Variants in NR5A2 observed in about 807,000 individuals in gnomAD.
NR5A2 encodes nuclear receptor subfamily 5 group A member 2, also known as CYP7A promoter-binding factor.
A neutral mutation model predicts 62.7 loss-of-function variants in NR5A2; 26 were observed. The observed-to-expected ratio is 0.41, with a 90% CI of 0.30 to 0.58. NR5A2 has a LOEUF of 0.58. NR5A2 is among the 20% of genes least tolerant of loss of function. The pLI, the probability that NR5A2 is intolerant of heterozygous loss-of-function variation, is 0.22. For missense variants in NR5A2, 541 were observed against 669.1 expected, an observed-to-expected ratio of 0.81 and a Z score of 2.11; for synonymous variants, 246 against 241.7, an observed-to-expected ratio of 1.02 and a Z score of -0.16.
rs1654330598 is a variant in NR5A2, at chr1:200,174,441, C to T, written c.*231C>T. ...AAACTGTGAATCAAAGGCTTCACAG[C>T]CCCAGAGGATTCCATATAAAAGACA... On this transcript the variant is annotated 3_prime_UTR_variant, in exon 8 of 8. Transcript: ENST00000367362. The T allele has an allele frequency of 2.9e-6, 1 of 348,884 alleles. No individual in the cohort carries two copies. The highest frequency in any genetic ancestry group is 5.0e-6 in the Non-Finnish European group (1 of 199,060). The allele number at this position is 348,884 out of a possible 1,614,324, so 21.6% of individuals were successfully genotyped here. A position where few individuals can be genotyped will look rare whatever the true frequency, so the allele number is the denominator to read the frequency against.
At chr1:200,094,186 T>C (rs1215858053) in intron 5 of NR5A2, among the ~76,000 whole-genome samples, 1 of 151,242 alleles carries the variant, frequency 6.6e-6, no homozygotes, top group Non-Finnish European at 1.5e-5. Flanking sequence ...AAATTGGTTT[T>C]TTTTTTTCTT....
At position 200,147,300 on chromosome 1, in the gene NR5A2, G is replaced by C. The variant is rs1166909080; in HGVS notation, c.1378+26345G>C. On this transcript the variant is annotated intron_variant, in intron 7 of 7. Transcript: ENST00000367362. This position sits in a 1 kb window ranked among gnomAD's most constrained non-coding sequence, Gnocchi z 4.9. ...TTCGCTGGCTGCATCTGCTGTGCCAGGCGCCTACTGTGCGCTCCTCTCCTC... is the reference window on the plus strand; with the variant it reads ...TTCGCTGGCTGCATCTGCTGTGCCACGCGCCTACTGTGCGCTCCTCTCCTC... Among the ~76,000 whole-genome samples the C allele has an allele frequency of 6.6e-6, 1 of 152,208 alleles. No individual in the cohort carries two copies. Among genetic ancestry groups the C allele is most frequent in the Non-Finnish European group, 1.5e-5 (1 of 68,032 alleles).
chr1:200,027,887 T>TAAGTATCTGTAAGAGTAAG lies in NR5A2; in HGVS notation c.40_41insAAGTATCTGTAAGAGTAAG (p.Leu14Ter). The TAAGTATCTGTAAGAGTAAG allele has an allele frequency of 6.2e-7, 1 of 1,605,024 alleles. No homozygotes were observed. The highest frequency in any genetic ancestry group is 8.5e-7 in the Non-Finnish European group (1 of 1,175,412). ...AGATACTGGGGATTTACAAGAGTCT[T>TAAGTATCTGTAAGAGTAAG]TAAAGCACGGACTTACACCTATTGG... On this transcript the variant is annotated stop_gained and frameshift_variant, in exon 1 of 8. Transcript: ENST00000367362. LOFTEE classifies it high-confidence loss of function.
chr1:200,092,782 CAT>C lies in NR5A2; in HGVS notation c.1111-18419_1111-18418del, dbSNP rs550719884. ...TTTTTCTTCTGTAGTTTTTATGAATCATGTGTGCTCAAAAGTATGGATCACAT... is the reference window on the plus strand; with the variant it reads ...TTTTTCTTCTGTAGTTTTTATGAATCGTGTGCTCAAAAGTATGGATCACAT... On this transcript the variant is annotated intron_variant, in intron 5 of 7. Transcript: ENST00000367362. Among the ~76,000 whole-genome samples the C allele has an allele frequency of 6.7e-5, 10 of 150,222 alleles. No individual in the cohort carries two copies. The East Asian group carries it at 1.6e-3, about 24-fold the overall frequency.
intron 5 of NR5A2, among the ~76,000 whole-genome samples, chr1:200,083,364 G>C (rs543201272): frequency 6.6e-6 from 1 of 152,276 alleles, no homozygotes; most frequent in Non-Finnish European, 1.5e-5. Flanking sequence ...TGCTGTCCAA[G>C]TAATTTTCAA....
At chr1:200,066,021 G>T (rs1394138874) in intron 5 of NR5A2, among the ~76,000 whole-genome samples, 1 of 152,146 alleles carries the variant, frequency 6.6e-6, no homozygotes, top group Non-Finnish European at 1.5e-5. Context: ...TTATTGTTTG[G>T]AATAGGAAGC....
At chr1:200,160,213 G>A (rs1653582112) in intron 7 of NR5A2, among the ~76,000 whole-genome samples, 1 of 152,212 alleles carries the variant, frequency 6.6e-6, no homozygotes, top group African/African-American at 2.4e-5. Flanking sequence ...TACACGAAGA[G>A]GATTTCTTTA....
chr1:200,111,404 G>T (rs1665951143), intron 6 of NR5A2, 83 bp downstream of exon 6: 4 of 1,451,556 alleles, frequency 2.8e-6, no homozygotes, highest in East Asian at 4.7e-5. Flanking sequence ...TAGGTCAGAA[G>T]CACTCTTGTG....
intron 5 of NR5A2, among the ~76,000 whole-genome samples, chr1:200,091,097 C>G (rs1664795604): frequency 6.6e-6 from 1 of 152,078 alleles, no homozygotes; most frequent in Non-Finnish European, 1.5e-5. Context: ...AATGGGGAGA[C>G]CATGTCCAAA....
chr1:200,050,546 G>A (rs929379197), intron 5 of NR5A2, among the ~76,000 whole-genome samples: 11 of 152,094 alleles, frequency 7.2e-5, no homozygotes, highest in East Asian at 1.9e-4. Context: ...ACCCAGTACC[G>A]GGAGTCTGGC....
At chr1:200,072,209 C>A (rs1176543753) in intron 5 of NR5A2, among the ~76,000 whole-genome samples, 7 of 152,092 alleles carry the variant, frequency 4.6e-5, no homozygotes, top group African/African-American at 1.7e-4. Flanking sequence ...AAGGGAACTT[C>A]TAGGTGAGAC....
chr1:200,168,116 C>A (rs1369492653), intron 7 of NR5A2, among the ~76,000 whole-genome samples: 1 of 151,722 alleles, frequency 6.6e-6, no homozygotes, highest in East Asian at 1.9e-4. Context: ...ATAAATAAAG[C>A]ATGTTAAGAA....
Position 200,045,440 on chromosome 1 carries a change from T to C in NR5A2, c.322-3T>C, listed in dbSNP as rs764830177. The C allele has an allele frequency of 6.3e-6, 10 of 1,597,420 alleles. No individual in the cohort carries two copies. The highest frequency in any genetic ancestry group is 2.2e-5 in the East Asian group (1 of 44,454). ...ACGTCTCACTATTTTCTCTGTCTTA[T>C]AGGGATTTTTTAAGCGAACAGTCCA... On this transcript the variant is annotated splice_region_variant and splice_polypyrimidine_tract_variant and intron_variant, in intron 3 of 7. Transcript: ENST00000367362.
Position 200,045,585 on chromosome 1 carries a change from G to T in NR5A2, c.463+1G>T. 2 of 1,607,460 alleles carry T rather than the reference G, an allele frequency of 1.2e-6. No homozygotes were observed. Among genetic ancestry groups the T allele is most frequent in the Non-Finnish European group, 8.5e-7 (1 of 1,177,546 alleles). On this transcript the variant is annotated splice_donor_variant, in intron 4 of 7. Coordinates refer to ENST00000367362, the MANE Select transcript of NR5A2 (RefSeq NM_205860.3). LOFTEE classifies it high-confidence loss of function. ...CTAAGTGTTGGAATGAAGCTAGAAG[G>T]TAAGATTCTTCTAAAGACTACTGCC...
intron 5 of NR5A2, among the ~76,000 whole-genome samples, chr1:200,053,743 C>T (rs1244221938): frequency 6.6e-6 from 1 of 152,204 alleles, no homozygotes; most frequent in Non-Finnish European, 1.5e-5. Flanking sequence ...CAGATTTTCC[C>T]TGAGTCCAGA....
chr1:200,107,317 G>A (rs201024906), intron 5 of NR5A2, among the ~76,000 whole-genome samples: 1 of 79,868 alleles, frequency 1.3e-5, no homozygotes, highest in Non-Finnish European at 2.7e-5. Flanking sequence ...TTTTTTTTTT[G>A]CCAGGCACCA....
At chr1:200,124,437 C>T (rs1666612711) in intron 7 of NR5A2, among the ~76,000 whole-genome samples, 1 of 152,168 alleles carries the variant, frequency 6.6e-6, no homozygotes, top group Non-Finnish European at 1.5e-5. Context: ...TTTCCCCCCT[C>T]AGATTGTATC....
At position 200,093,895 on chromosome 1, in the gene NR5A2, G is replaced by A. The variant is rs139996839; in HGVS notation, c.1111-17307G>A. 6.0e-3 allele frequency among the ~76,000 whole-genome samples: 908 copies of A among 152,270 alleles called. 10 individuals are homozygous for A. The highest frequency in any genetic ancestry group is 0.017 in the African/African-American group (726 of 41,566). ...TTCTTGGCCGGGCACAGTGGCCCAC[G>A]CCTGTAATCCCAGCACTTTGGGAGG... On this transcript the variant is annotated intron_variant, in intron 5 of 7. Transcript: ENST00000367362.
chr1:200,158,001 T>C (rs548636462), intron 7 of NR5A2, among the ~76,000 whole-genome samples: 1 of 152,198 alleles, frequency 6.6e-6, no homozygotes, highest in Non-Finnish European at 1.5e-5. Context: ...ATAGTAACAG[T>C]TCTCATATGG....
Sources: gnomAD v4.1 joint callset for allele counts (sites outside exome capture counted in the v4.1 genomes callset) on GRCh38, gnomAD v4.1.1 for gene constraint, Gnocchi (gnomAD v3.1) non-coding constraint, MANE v1.5 for transcripts, NCBI Gene and HGNC (gene_info 2026-07-23, HGNC 2026-07-21) for gene names.